Variants in NOTCH2 observed in about 807,000 individuals in gnomAD.
The protein encoded by NOTCH2 is notch receptor 2.
Under a neutral mutation model 235.8 loss-of-function variants are expected in NOTCH2, and 29 were observed. The ratio of observed to expected loss-of-function variants is 0.12; its 90% CI spans 0.09 to 0.17. The LOEUF is 0.17. NOTCH2 is among the 10% of genes least tolerant of loss of function. The probability of loss-of-function intolerance (pLI) is 1.00; values close to 1 mark genes in which losing one functional copy is unlikely to be tolerated. For missense variants in NOTCH2, 2,285 were observed against 3,150.2 expected (o/e 0.73, Z 6.57); for synonymous variants, 1,086 against 1,141.5 (o/e 0.95, Z 0.98).
intron 19 of NOTCH2, among the ~76,000 whole-genome samples, chr1:119,938,324 A>G (rs1226526593): frequency 2.0e-5 from 3 of 152,164 alleles, no homozygotes; most frequent in Middle Eastern, 3.2e-3. Flanking sequence ...TCCTCTACTT[A>G]TTTCTGGTTA....
chr1:119,956,786 A>G (rs1264642074), intron 12 of NOTCH2, among the ~76,000 whole-genome samples: 1 of 152,184 alleles, frequency 6.6e-6, no homozygotes, highest in African/African-American at 2.4e-5. Context: ...TTGCTTTTAA[A>G]TTTATTCTTT....
chr1:119,986,861 G>C, intron 5 of NOTCH2, 99 bp downstream of exon 5: 1 of 1,492,230 alleles, frequency 6.7e-7, no homozygotes, highest in Non-Finnish European at 9.3e-7. Flanking sequence ...TGGTTCCAGA[G>C]CAGGCCTAAG....
chr1:119,967,647 G>A, intron 7 of NOTCH2, 26 bp from the exon 8 acceptor site: 1 of 1,608,714 alleles, frequency 6.2e-7, no homozygotes, highest in Non-Finnish European at 8.5e-7. Flanking sequence ...ACCAATTACT[G>A]GGATCAAAGC....
chr1:119,922,592 A>C lies in NOTCH2; in HGVS notation c.5002+44T>G, dbSNP rs374541867. On this transcript the variant is annotated intron_variant, in intron 27 of 33. Transcript: ENST00000256646. ...AATGAAAATTGTTCCCCCAATTGAC[A>C]CTCTTCCCCCGCCACCTTTCCCCTT... 6.1e-5 allele frequency: 99 copies of C among 1,612,566 alleles called. No individual in the cohort carries two copies. The African/African-American group carries it at 1.1e-3, about 18-fold the overall frequency.
chr1:120,066,040 G>A (rs1308169561), intron 1 of NOTCH2, among the ~76,000 whole-genome samples: 12 of 151,592 alleles, frequency 7.9e-5, no homozygotes, highest in Non-Finnish European at 1.6e-4. Flanking sequence ...CAGAAGAAAA[G>A]GGAAAAGGAG....
chr1:119,981,071 C>T (rs1339731772), intron 5 of NOTCH2, among the ~76,000 whole-genome samples: 4 of 152,166 alleles, frequency 2.6e-5, no homozygotes, highest in Non-Finnish European at 4.4e-5. Flanking sequence ...CTGAGTCTCT[C>T]GTCCCTGCCT....
chr1:119,994,506 A>T (rs1430980308), intron 4 of NOTCH2: 1 of 132,282 alleles, frequency 7.6e-6, no homozygotes, highest in Non-Finnish European at 1.5e-5. Flanking sequence ...ACTTTTAAAC[A>T]TCTGCACAAT....
intron 9 of NOTCH2, among the ~76,000 whole-genome samples, 177 bp from the exon 10 acceptor site, chr1:119,965,743 C>CT (rs1467663973): frequency 6.6e-6 from 1 of 152,228 alleles, no homozygotes; most frequent in East Asian, 1.9e-4. Flanking sequence ...ATCAGAGGCA[C>CT]TTGTGGTGTG....
intron 5 of NOTCH2, among the ~76,000 whole-genome samples, chr1:119,978,951 T>C (rs1157930430): frequency 6.6e-6 from 1 of 152,216 alleles, no homozygotes; most frequent in Non-Finnish European, 1.5e-5. Context: ...GAGAATGTAA[T>C]GCTTAAGATA....
intron 5 of NOTCH2, among the ~76,000 whole-genome samples, chr1:119,973,649 G>A (rs1399049988): frequency 2.0e-5 from 3 of 152,052 alleles, no homozygotes; most frequent in East Asian, 1.9e-4. Flanking sequence ...GAAGGCATAG[G>A]TGCATAAGAC....
intron 17 of NOTCH2, among the ~76,000 whole-genome samples, chr1:119,944,233 A>G (rs1326787583): frequency 6.6e-6 from 1 of 152,078 alleles, no homozygotes; most frequent in Non-Finnish European, 1.5e-5. Context: ...CAAACAGAAG[A>G]AACATAAAGA....
At chr1:119,988,800 G>A (rs1652118069) in intron 4 of NOTCH2, among the ~76,000 whole-genome samples, 2 of 152,188 alleles carry the variant, frequency 1.3e-5, no homozygotes, top group African/African-American at 4.8e-5. Flanking sequence ...TCTCTGATGA[G>A]TAAGACTAAA....
intron 2 of NOTCH2, among the ~76,000 whole-genome samples, chr1:120,026,992 C>T (rs1298151817): frequency 1.5e-5 from 2 of 137,228 alleles, no homozygotes; most frequent in African/African-American, 5.4e-5. Flanking sequence ...CGCTCTGTCG[C>T]TCAGGCTGGA....
In NOTCH2 at chr1:120,069,657, C is replaced by T; in HGVS notation, c.-251G>A. On this transcript the variant is annotated 5_prime_UTR_variant, in exon 1 of 34. Transcript: ENST00000256646. ...AAACTTTCTCGGGTGTGCAACGAAG[C>T]AGCCTCGTGTGTCCTTCCGCCTCAG... 2 of 1,345,432 alleles carry T rather than the reference C, an allele frequency of 1.5e-6. No individual in the cohort carries two copies. The highest frequency in any genetic ancestry group is 3.1e-5 in the African/African-American group (2 of 64,574). 83.3% of individuals were successfully genotyped at this position (1,345,432 alleles called of 1,614,324 possible). A position where few individuals can be genotyped will look rare whatever the true frequency, so the allele number is the denominator to read the frequency against.
chr1:119,916,024 G>A lies in NOTCH2; in HGVS notation c.6698C>T (p.Pro2233Leu), dbSNP rs2101143337. 1.2e-6 allele frequency: 2 copies of A among 1,613,776 alleles called. No homozygotes were observed. Among genetic ancestry groups the A allele is most frequent in the Non-Finnish European group, 1.7e-6 (2 of 1,180,032 alleles). ...CAAGCTTCCAGCACTGCCACTGCCTGGAGACACAATGTGGTGGTGGGATAG... is the reference window on the plus strand; with the variant it reads ...CAAGCTTCCAGCACTGCCACTGCCTAGAGACACAATGTGGTGGTGGGATAG... ...QLLSHHHIVS[P>L]GSGSAGSLSR... Residue 2233 changes from proline to leucine, a missense_variant, in exon 34 of 34, where the codon CCA becomes CTA. Around this residue, in one of 6 missense-constraint regions of NOTCH2, gnomAD observed 504 missense variants for 538.0 expected, o/e 0.94. Transcript: ENST00000256646.
rs920614390 is a variant in NOTCH2, at chr1:119,950,135, G to A, written c.2479+589C>T. 4.6e-5 allele frequency: 13 copies of A among 283,050 alleles called. 1 individual carries two copies. Among genetic ancestry groups the A allele is most frequent in the Non-Finnish European group, 8.3e-5 (12 of 145,402 alleles). 17.5% of individuals were successfully genotyped at this position (283,050 alleles called of 1,614,324 possible). On this transcript the variant is annotated intron_variant, in intron 15 of 33. Transcript: ENST00000256646. ...GTGACACCTCTGAGTGAGATGTAGC[G>A]GTACTGAATGTGGGAAGTAAAAAGG... is the stretch of plus-strand genomic sequence containing the variant.
rs1241880621 is a variant in NOTCH2, at chr1:119,914,587, T to C, written c.*719A>G. 1 of 233,470 alleles carries C rather than the reference T, an allele frequency of 4.3e-6. No individual in the cohort carries two copies. The highest frequency in any genetic ancestry group is 2.2e-5 in the African/African-American group (1 of 45,320). 14.5% of individuals were successfully genotyped at this position (233,470 alleles called of 1,614,324 possible). On this transcript the variant is annotated 3_prime_UTR_variant, in exon 34 of 34. Transcript: ENST00000256646. ...AGAAAAGTATTCTTCTCCCCTTCTC[T>C]CTCCAGGAATGATATATGCAGGAGA...
intron 11 of NOTCH2, 98 bp downstream of exon 11, chr1:119,963,476 T>A (rs1483409454): frequency 1.8e-6 from 2 of 1,103,674 alleles, no homozygotes; most frequent in Non-Finnish European, 2.8e-6. Context: ...GACTGTTTTT[T>A]AGGTATCTGA....
intron 1 of NOTCH2, among the ~76,000 whole-genome samples, chr1:120,045,644 C>T (rs1349423931): frequency 1.3e-5 from 2 of 151,972 alleles, no homozygotes; most frequent in Non-Finnish European, 2.9e-5. Context: ...AACAGTATTC[C>T]CTCTTAAGGA....
Sources: allele counts gnomAD v4.1 joint callset (sites outside exome capture counted in the v4.1 genomes callset), GRCh38; gene constraint gnomAD v4.1.1; regional missense constraint gnomAD v4.1.1; transcripts MANE v1.5; gene names NCBI Gene and HGNC (gene_info 2026-07-23, HGNC 2026-07-21).